Variants in SNX13 observed in about 807,000 individuals in gnomAD.
The protein encoded by SNX13 is sorting nexin-13.
Under a neutral mutation model 133.6 loss-of-function variants are expected in SNX13, and 45 were observed. That is an observed-to-expected ratio of 0.34 (90% CI 0.27 to 0.43). The LOEUF (loss-of-function observed/expected upper bound fraction) is 0.43, where lower values mean the gene tolerates loss of function less well. Among genes scored for constraint, SNX13 ranks in the 20% least tolerant of loss-of-function variants. The pLI, the probability that SNX13 is intolerant of heterozygous loss-of-function variation, is 1.00. For missense variants in SNX13, 1,032 were observed against 1,145.1 expected, an observed-to-expected ratio of 0.90 and a Z score of 1.43; for synonymous variants, 414 against 373.9, an observed-to-expected ratio of 1.11 and a Z score of -1.24.
intron 5 of SNX13, among the ~76,000 whole-genome samples, chr7:17,876,590 A>G (rs917898833): frequency 3.3e-5 from 5 of 151,060 alleles, no homozygotes; most frequent in African/African-American, 7.3e-5. Flanking sequence ...AAAAAAAAAA[A>G]GCCTTAACCA....
At chr7:17,798,029 T>C (rs994930271) in intron 24 of SNX13, among the ~76,000 whole-genome samples, 1 of 151,884 alleles carries the variant, frequency 6.6e-6, no homozygotes, top group Non-Finnish European at 1.5e-5. Context: ...TACTGATAGT[T>C]CCCTTCTTGC....
rs377055119 is a variant in SNX13, at chr7:17,845,650, G to C, written c.1110C>G (p.Cys370Trp). The stretch of plus-strand genomic sequence containing the variant: ...CAAGAATGCTGTCCAGGGGGACTGT[G>C]CAAAGTTTCCCAAAGTTTGCTGCAA... ...VKLAANFGKL[C>W]TVPLDSILVD... The change falls in exon 12 of 26, where the codon TGC becomes TGG. Residue 370 changes from cysteine (C) to tryptophan (W), a missense_variant. Coordinates refer to ENST00000428135, the MANE Select transcript of SNX13 (RefSeq NM_015132.5). 1 of 1,603,276 alleles carries C rather than the reference G, an allele frequency of 6.2e-7. No individual in the cohort carries two copies. Among genetic ancestry groups the C allele is most frequent in the Admixed American group, 1.7e-5 (1 of 58,526 alleles).
At chr7:17,807,082 T>G (rs1477327302) in intron 20 of SNX13, among the ~76,000 whole-genome samples, 21 of 150,426 alleles carry the variant, frequency 1.4e-4, no homozygotes, top group Admixed American at 1.4e-3. Flanking sequence ...ACCCCAGAGG[T>G]GCCTGGAATG....
At chr7:17,807,714 A>G (rs1177297432) in intron 20 of SNX13, among the ~76,000 whole-genome samples, 1 of 152,166 alleles carries the variant, frequency 6.6e-6, no homozygotes, top group Non-Finnish European at 1.5e-5. Context: ...CATACAGGAG[A>G]GCTCCAGCTG....
intron 13 of SNX13, among the ~76,000 whole-genome samples, chr7:17,838,836 G>A (rs148290356): frequency 4.6e-5 from 7 of 151,668 alleles, no homozygotes; most frequent in East Asian, 1.9e-4. Context: ...AAATGGAGAC[G>A]GCTTTTATGG....
In SNX13 at chr7:17,791,578, C is replaced by G. The variant is rs1783543668; in HGVS notation, c.*2467G>C. The G allele has an allele frequency of 6.6e-6, 1 of 151,872 alleles. No individual in the cohort carries two copies. The highest frequency in any genetic ancestry group is 1.5e-5 in the Non-Finnish European group (1 of 67,878). 9.4% of individuals were successfully genotyped at this position (151,872 alleles called of 1,614,324 possible). On this transcript the variant is annotated 3_prime_UTR_variant, in exon 26 of 26. Transcript: ENST00000428135. ...ATAGTGTACATGTTACCTGAAAAAT[C>G]AGAAAACACAAAGAATGATTAATTT...
intron 1 of SNX13, among the ~76,000 whole-genome samples, chr7:17,906,619 C>A (rs1339103796): frequency 6.6e-6 from 1 of 151,934 alleles, no homozygotes; most frequent in Non-Finnish European, 1.5e-5. Context: ...GTGGTTAGAG[C>A]AAGAATCAAT....
Position 17,850,235 on chromosome 7 carries a change from T to C in SNX13, c.1065+112A>G, listed in dbSNP as rs1414991190. ...AGAGAAAACTCTTTTTAAAGTCCTC[T>C]TGTAAAGTGCTGCACTGGTAAACGT... On this transcript the variant is annotated intron_variant, in intron 11 of 25. Coordinates refer to ENST00000428135, the MANE Select transcript of SNX13 (RefSeq NM_015132.5). The C allele has an allele frequency of 2.3e-5, 11 of 472,532 alleles. No homozygotes were observed. The East Asian group carries it at 3.6e-4, about 15-fold the overall frequency. 29.3% of individuals were successfully genotyped at this position (472,532 alleles called of 1,614,324 possible).
In SNX13 at chr7:17,794,867, T is replaced by A. The variant is rs1583432183; in HGVS notation, c.2627-575A>T. ...CTACAAAAACCCCTGGCATAGTAAC[T>A]ATACCATAAAAATGCTAAAAGTATA... On this transcript the variant is annotated intron_variant, in intron 25 of 25. Coordinates refer to ENST00000428135, the MANE Select transcript of SNX13 (RefSeq NM_015132.5). The A allele has an allele frequency of 2.6e-5, 4 of 151,628 alleles. No individual in the cohort carries two copies. The South Asian group carries it at 8.3e-4, about 31-fold the overall frequency. 9.4% of individuals were successfully genotyped at this position (151,628 alleles called of 1,614,324 possible).
At chr7:17,798,956 G>C in intron 23 of SNX13, 53 bp downstream of exon 23, 3 of 1,557,138 alleles carry the variant, frequency 1.9e-6, no homozygotes, top group Non-Finnish European at 1.7e-6. Flanking sequence ...CCAGAAGTAA[G>C]AGTTTAATAG....
chr7:17,860,833 T>C (rs1263875146), intron 9 of SNX13, among the ~76,000 whole-genome samples: 1 of 152,204 alleles, frequency 6.6e-6, no homozygotes, highest in African/African-American at 2.4e-5. Context: ...TCTATCTTTA[T>C]GCCAGCACCA....
At chr7:17,901,948 T>C (rs988894966) in intron 1 of SNX13, among the ~76,000 whole-genome samples, 3 of 152,234 alleles carry the variant, frequency 2.0e-5, no homozygotes, top group African/African-American at 2.4e-5. Flanking sequence ...ATAAATGTTT[T>C]ATTCTCTCTT....
intron 4 of SNX13, 36 bp downstream of exon 4, chr7:17,891,510 A>G (rs1451718508): frequency 2.0e-6 from 3 of 1,470,738 alleles, no homozygotes; most frequent in South Asian, 1.1e-5. Flanking sequence ...CTAGAACACA[A>G]TATATAGAAT....
At chr7:17,859,658 C>T (rs923297998) in intron 9 of SNX13, among the ~76,000 whole-genome samples, 1 of 151,970 alleles carries the variant, frequency 6.6e-6, no homozygotes, top group African/African-American at 2.4e-5. Flanking sequence ...ACTCTAGATC[C>T]ACTGAACAAC....
chr7:17,901,182 G>T (rs1263844743), intron 1 of SNX13, among the ~76,000 whole-genome samples: 1 of 152,070 alleles, frequency 6.6e-6, no homozygotes, highest in Non-Finnish European at 1.5e-5. Context: ...GGCTAAGCTG[G>T]TATCCAAGTT....
Position 17,814,952 on chromosome 7 carries a change from G to GAAAAAAAAA in SNX13, c.1954-17_1954-9dup. The GAAAAAAAAA allele has an allele frequency of 8.2e-7, 1 of 1,222,106 alleles. No individual in the cohort carries two copies. Among genetic ancestry groups the GAAAAAAAAA allele is most frequent in the South Asian group, 2.2e-5 (1 of 44,948 alleles). The allele number at this position is 1,222,106 out of a possible 1,614,324, so 75.7% of individuals were successfully genotyped here. Reference sequence around the variant, plus strand: ...TTCAGGAGCTAACAGTAACTAACAAGAAAAAAAAAAAAAAGAAGAGATTAT... The same window carrying GAAAAAAAAA: ...TTCAGGAGCTAACAGTAACTAACAAGAAAAAAAAAAAAAAAAAAAAAAAGAAGAGATTAT... On this transcript the variant is annotated splice_polypyrimidine_tract_variant and intron_variant, in intron 19 of 25. Coordinates refer to ENST00000428135, the MANE Select transcript of SNX13 (RefSeq NM_015132.5).
intron 1 of SNX13, among the ~76,000 whole-genome samples, chr7:17,911,127 G>T (rs1442848202): frequency 6.6e-6 from 1 of 152,134 alleles, no homozygotes; most frequent in Admixed American, 6.5e-5. Flanking sequence ...TCTAGACCAG[G>T]TTCCAGGCTA....
chr7:17,794,070 T>A lies in SNX13; in HGVS notation c.2849A>T (p.Gln950Leu). 6.2e-7 allele frequency: 1 copy of A among 1,611,384 alleles called. No individual in the cohort carries two copies. The change falls in exon 26 of 26, where the codon CAA becomes CTA. Residue 950 changes from glutamine (Q) to leucine (L), a missense_variant. Coordinates refer to ENST00000428135, the MANE Select transcript of SNX13 (RefSeq NM_015132.5). Reference sequence around the variant, plus strand: ...TCACCTTTTCTGCAAAGAAGGCGCTTGAGTAGTTTGAAGTTTCTGTTTATA... The same window carrying A: ...TCACCTTTTCTGCAAAGAAGGCGCTAGAGTAGTTTGAAGTTTCTGTTTATA... ...QKYKQKLQTT[Q>L]APSLQKR
intron 20 of SNX13, 136 bp from the exon 21 acceptor site, chr7:17,803,716 T>A (rs1290276234): frequency 3.9e-6 from 3 of 765,086 alleles, no homozygotes; most frequent in Non-Finnish European, 5.9e-6. Context: ...CGTTACATTT[T>A]AAAAGTACAG....
Sources: gnomAD v4.1 joint callset for allele counts (sites outside exome capture counted in the v4.1 genomes callset) on GRCh38, gnomAD v4.1.1 for gene constraint, MANE v1.5 for transcripts, NCBI Gene and HGNC (gene_info 2026-07-23, HGNC 2026-07-21) for gene names.